The following CCDC57 variants were observed in gnomAD, a reference collection of about 807,000 sequenced individuals.
The protein encoded by CCDC57 is coiled-coil domain-containing protein 57.
A neutral mutation model predicts 118.9 loss-of-function variants in CCDC57; 118 were observed. That is an observed-to-expected ratio of 0.99 (90% CI 0.86 to 1.16). The LOEUF is 1.16. Among genes scored for constraint, CCDC57 ranks in the 50% most tolerant of loss-of-function variants. CCDC57 has a pLI of 0.00. For synonymous variants in CCDC57, 527 were observed against 532.9 expected (o/e 0.99, Z 0.15); for missense variants, 1,300 against 1,320.7 (o/e 0.98, Z 0.24).
intron 8 of CCDC57, chr17:82,185,056 G>A (rs948251348): frequency 6.6e-6 from 1 of 152,408 alleles, no homozygotes; most frequent in African/African-American, 2.4e-5. Context: ...ATGGTGATGT[G>A]ACTCTGCCTG....
intron 18 of CCDC57, 145 bp downstream of exon 17, chr17:82,128,348 G>A: frequency 1.6e-6 from 1 of 632,750 alleles, no homozygotes; most frequent in South Asian, 2.0e-5. Flanking sequence ...AGCTCACCCT[G>A]CCATTGTGAG....
At chr17:82,203,319 C>T (rs566130108) in intron 2 of CCDC57, among the ~76,000 whole-genome samples, 10 of 152,290 alleles carry the variant, frequency 6.6e-5, no homozygotes, top group Non-Finnish European at 1.2e-4. Context: ...TCCTGTACAG[C>T]CAGGAGAACC....
chr17:82,146,112 G>C (rs1272436413), intron 16 of CCDC57, among the ~76,000 whole-genome samples: 1 of 152,244 alleles, frequency 6.6e-6, no homozygotes, highest in African/African-American at 2.4e-5. Flanking sequence ...CACCGGTGCT[G>C]GGGCAGAGTA....
chr17:82,188,640 C>T (rs1418360302), intron 7 of CCDC57, among the ~76,000 whole-genome samples: 1 of 152,238 alleles, frequency 6.6e-6, no homozygotes, highest in Admixed American at 6.5e-5. Flanking sequence ...CCCTCCAGAG[C>T]CCACAGCCCC....
At chr17:82,110,082 G>A (rs2035141979) in intron 19 of CCDC57, among the ~76,000 whole-genome samples, 1 of 150,244 alleles carries the variant, frequency 6.7e-6, no homozygotes, top group Admixed American at 6.6e-5. Flanking sequence ...CCGGGTTCAA[G>A]CAATTCTACT....
chr17:82,140,290 G>A (rs1319866791), intron 16 of CCDC57, among the ~76,000 whole-genome samples: 2 of 152,188 alleles, frequency 1.3e-5, no homozygotes, highest in African/African-American at 4.8e-5. Context: ...GTTTCACCAT[G>A]TTAGCCATGG....
intron 11 of CCDC57, among the ~76,000 whole-genome samples, chr17:82,176,335 G>T (rs2045493091): frequency 6.9e-6 from 1 of 145,622 alleles, no homozygotes; most frequent in Admixed American, 7.1e-5. Context: ...CTGGAATTGT[G>T]TCCAGACTTG....
intron 8 of CCDC57, among the ~76,000 whole-genome samples, chr17:82,186,538 AAAC>A (rs1170556959): frequency 1.3e-5 from 2 of 152,192 alleles, no homozygotes; most frequent in African/African-American, 4.8e-5. Flanking sequence ...CTGACTGATC[AAAC>A]AACAACACAG....
intron 13 of CCDC57, among the ~76,000 whole-genome samples, chr17:82,169,255 T>G (rs573341624): frequency 6.6e-6 from 1 of 152,248 alleles, no homozygotes; most frequent in South Asian, 2.1e-4. Context: ...GCCTCCCAAG[T>G]GGCTGGGATT....
At position 82,128,603 on chromosome 17, in the gene CCDC57, G is replaced by A. The variant is rs200452544; in HGVS notation, c.2578-6C>T. On this transcript the variant is annotated splice_polypyrimidine_tract_variant and splice_region_variant and intron_variant, in intron 17 of 19. Coordinates refer to ENST00000665763, the Ensembl canonical transcript of CCDC57. The stretch of plus-strand genomic sequence containing the variant: ...TCCTCGGCACTCTTGGCGTCCTGCC[G>A]TGGGGATTTAAATGAGAGGACTCTG... 219 of 1,555,150 alleles carry A rather than the reference G, an allele frequency of 1.4e-4. 2 individuals are homozygous for A. The Admixed American group carries it at 2.8e-3, about 20-fold the overall frequency.
chr17:82,134,522 G>A (rs1472487892), intron 16 of CCDC57, among the ~76,000 whole-genome samples: 4 of 152,070 alleles, frequency 2.6e-5, no homozygotes, highest in South Asian at 2.1e-4. Context: ...TGCCAGGTGC[G>A]GAGGCTCACG....
At chr17:82,191,991 T>A (rs1224288863) in intron 7 of CCDC57, among the ~76,000 whole-genome samples, 1 of 151,118 alleles carries the variant, frequency 6.6e-6, no homozygotes, top group African/African-American at 2.4e-5. Flanking sequence ...TTATGACTTT[T>A]TTTTTTTTTT....
exon 10 of CCDC57, chr17:82,179,055 A>C: frequency 6.2e-7 from 1 of 1,613,954 alleles, no homozygotes; most frequent in East Asian, 2.2e-5. Context: ...CAGACCCTGA[A>C]TCAGGGCCTC....
intron 13 of CCDC57, among the ~76,000 whole-genome samples, chr17:82,170,935 G>A (rs2056715445): frequency 6.6e-6 from 1 of 152,260 alleles, no homozygotes; most frequent in Non-Finnish European, 1.5e-5. Context: ...CGATGTGGAT[G>A]GATGCTTTGG....
chr17:82,158,542 G>T (rs1227584528), intron 14 of CCDC57, among the ~76,000 whole-genome samples: 1 of 151,890 alleles, frequency 6.6e-6, no homozygotes, highest in Non-Finnish European at 1.5e-5. Flanking sequence ...AAAAAAATTA[G>T]CCGGGCATGG....
intron 14 of CCDC57, among the ~76,000 whole-genome samples, chr17:82,158,408 C>T (rs946848683): frequency 7.2e-5 from 11 of 152,148 alleles, no homozygotes; most frequent in Admixed American, 7.2e-4. Context: ...GGTGGATAGG[C>T]TGGGTGCGGT....
intron 16 of CCDC57, among the ~76,000 whole-genome samples, chr17:82,140,458 T>G (rs1472197255): frequency 6.6e-6 from 1 of 152,166 alleles, no homozygotes; most frequent in East Asian, 1.9e-4. Context: ...TGACCTCAGC[T>G]GATCCATCGG....
In CCDC57 at chr17:82,177,067, G is replaced by A. The variant is rs924715441; in HGVS notation, c.1506+1407C>T. 6.6e-5 allele frequency among the ~76,000 whole-genome samples: 10 copies of A among 152,124 alleles called. No homozygotes were observed. The South Asian group carries it at 1.2e-3, about 19-fold the overall frequency. On this transcript the variant is annotated intron_variant, in intron 11 of 19. Coordinates refer to ENST00000665763, the Ensembl canonical transcript of CCDC57. ...TCAAGACCAGCCTGACCAACATGGA[G>A]AAACCCCATCTCTACTAAAAATACA...
chr17:82,164,418 T>C (rs2043732730), intron 13 of CCDC57, among the ~76,000 whole-genome samples: 2 of 150,818 alleles, frequency 1.3e-5, no homozygotes, highest in East Asian at 3.9e-4. Flanking sequence ...AAACGCCAAA[T>C]AAAGTAGGAG....
Sources: allele counts gnomAD v4.1 joint callset (sites outside exome capture counted in the v4.1 genomes callset), GRCh38; gene constraint gnomAD v4.1.1; transcripts MANE v1.5; gene names NCBI Gene and HGNC (gene_info 2026-07-23, HGNC 2026-07-21).